AHNAK: variants seen among roughly 807,000 people sequenced by gnomAD.
The protein encoded by AHNAK is neuroblast differentiation-associated protein AHNAK.
In AHNAK, 23 loss-of-function variants were observed where a neutral mutation model predicts 37.8. The observed-to-expected ratio is 0.61, with a 90% CI of 0.44 to 0.86. AHNAK has a LOEUF of 0.86. Ranked by LOEUF, AHNAK falls within the 40% of genes least tolerant of loss-of-function variation. AHNAK has a pLI of 0.00. For synonymous variants in AHNAK, 2,481 were observed against 2,636.3 expected, an observed-to-expected ratio of 0.94 and a Z score of 1.80; for missense variants, 7,411 against 7,319.4, an observed-to-expected ratio of 1.01 and a Z score of -0.46.
chr11:62,498,450 T>TA, intron 4 of AHNAK, among the ~76,000 whole-genome samples: 2 of 151,652 alleles, frequency 1.3e-5, no homozygotes, highest in East Asian at 1.9e-4. Context: ...TTACACTATA[T>TA]GGTGTAATTA....
chr11:62,518,626 C>T lies in AHNAK; in HGVS notation c.15791G>A (p.Gly5264Glu). The T allele has an allele frequency of 1.2e-6, 2 of 1,614,182 alleles. No homozygotes were observed. Among genetic ancestry groups the T allele is most frequent in the African/African-American group, 1.3e-5 (1 of 75,032 alleles). The change falls in exon 5 of 5, where the codon GGA becomes GAA. Residue 5264 changes from glycine to glutamate, a missense_variant. Physicochemically the swap from Gly to Glu is moderately conservative, Grantham distance 98 (BLOSUM62 -2). Coordinates refer to ENST00000378024, the MANE Select transcript of AHNAK (RefSeq NM_001620.3). The stretch of plus-strand genomic sequence containing the variant: ...CTTAACATCTGGTCCTCTCAAGTCT[C>T]CTTCAAGAGAGGGTAGCTGGGCATG... Reference protein sequence around the residue: ...EVHAQLPSLEGDLRGPDVKLE... With the variant: ...EVHAQLPSLEEDLRGPDVKLE...
chr11:62,476,948 G>A (rs2134861210), intron 5 of AHNAK, among the ~76,000 whole-genome samples: 1 of 152,294 alleles, frequency 6.6e-6, no homozygotes, highest in South Asian at 2.1e-4. Context: ...TGCAATGCCT[G>A]CAGCCGGCAT....
intron 4 of AHNAK, among the ~76,000 whole-genome samples, chr11:62,506,753 T>A (rs1212152936): frequency 6.6e-6 from 1 of 152,088 alleles, no homozygotes; most frequent in Non-Finnish European, 1.5e-5. Context: ...CTCCCTTGTT[T>A]ATTATTATAG....
At chr11:62,454,786 G>A (rs1328966073) in intron 5 of AHNAK, among the ~76,000 whole-genome samples, 2 of 152,104 alleles carry the variant, frequency 1.3e-5, no homozygotes, top group Non-Finnish European at 1.5e-5. Context: ...CCCCACACTC[G>A]TCATGGGATA....
At chr11:62,505,667 C>T (rs1319612228) in intron 4 of AHNAK, among the ~76,000 whole-genome samples, 4 of 151,912 alleles carry the variant, frequency 2.6e-5, no homozygotes, top group African/African-American at 9.7e-5. Flanking sequence ...TCAACGCTCC[C>T]TGCCGCTCAT....
chr11:62,492,534 T>C (rs1939521496), intron 4 of AHNAK, among the ~76,000 whole-genome samples: 1 of 152,066 alleles, frequency 6.6e-6, no homozygotes, highest in Non-Finnish European at 1.5e-5. Flanking sequence ...AACGGGTTAC[T>C]CTTTTCATGT....
chr11:62,476,297 G>A (rs1939145060), intron 5 of AHNAK, among the ~76,000 whole-genome samples: 1 of 152,184 alleles, frequency 6.6e-6, no homozygotes, highest in Admixed American at 6.5e-5. Flanking sequence ...GCTGAGGCAG[G>A]AGAATCACTT....
chr11:62,496,843 GAAGAAAGGAAGGAA>G (rs932504656), intron 4 of AHNAK, among the ~76,000 whole-genome samples: 2 of 148,216 alleles, frequency 1.3e-5, no homozygotes, highest in Non-Finnish European at 3.0e-5. Flanking sequence ...AGGAAGGAAG[GAAGAAAGGAAGGAA>G]AAGGAAGGAA....
In AHNAK at chr11:62,516,159, C is replaced by T; in HGVS notation, c.*585G>A. The T allele has an allele frequency of 7.8e-7, 1 of 1,288,944 alleles. No homozygotes were observed. The highest frequency in any genetic ancestry group is 1.5e-5 in the African/African-American group (1 of 65,922). The allele number at this position is 1,288,944 out of a possible 1,614,324, so 79.8% of individuals were successfully genotyped here. ...TCTAATTTCCTCTCACCGTCAGCACCAAACTGGCTGGGACCACCACCCCTG... is the reference window on the plus strand; with the variant it reads ...TCTAATTTCCTCTCACCGTCAGCACTAAACTGGCTGGGACCACCACCCCTG... On this transcript the variant is annotated 3_prime_UTR_variant, in exon 5 of 5. Coordinates refer to ENST00000378024, the MANE Select transcript of AHNAK (RefSeq NM_001620.3).
intron 1 of AHNAK, among the ~76,000 whole-genome samples, chr11:62,540,144 G>A (rs75925132): frequency 6.6e-6 from 1 of 152,190 alleles, no homozygotes; most frequent in African/African-American, 2.4e-5. Flanking sequence ...AATTCTGCAC[G>A]ATTCAGCCAA....
At chr11:62,534,229 A>G (rs1454712778) in intron 4 of AHNAK, among the ~76,000 whole-genome samples, 155 bp from the exon 5 acceptor site, 1 of 152,170 alleles carries the variant, frequency 6.6e-6, no homozygotes, top group Non-Finnish European at 1.5e-5. Flanking sequence ...AGCACAGGGG[A>G]GTGAAGAAAG....
At chr11:62,482,743 C>T (rs903221447) in intron 5 of AHNAK, among the ~76,000 whole-genome samples, 1 of 152,180 alleles carries the variant, frequency 6.6e-6, no homozygotes, top group African/African-American at 2.4e-5. Flanking sequence ...GTAGAGACCA[C>T]ACCTGTCAAA....
At position 62,472,348 on chromosome 11, in the gene AHNAK, T is replaced by G. The variant is rs1939052230; in HGVS notation, c.442+19384A>C. Among the ~76,000 whole-genome samples the G allele has an allele frequency of 2.0e-5, 3 of 152,100 alleles. No homozygotes were observed. In the South Asian group the frequency reaches 6.2e-4, roughly 32 times the overall value. ...TTTATCAGCTCCTTGCCTTCCCCTC[T>G]GACCCATGGCTCACTGACCCTCCCT... On this transcript the variant is annotated intron_variant, in intron 5 of 5. Transcript: ENST00000257247.
At chr11:62,493,428 C>A (rs896541096) in intron 4 of AHNAK, among the ~76,000 whole-genome samples, 2 of 146,394 alleles carry the variant, frequency 1.4e-5, no homozygotes, top group African/African-American at 2.5e-5. Context: ...CGGGTTCAAG[C>A]AATTCTCCTG....
chr11:62,525,459 G>C lies in AHNAK; in HGVS notation c.8958C>G (p.Pro2986=), dbSNP rs777003619. 7.4e-6 allele frequency: 12 copies of C among 1,611,386 alleles called. No homozygotes were observed. The East Asian group carries it at 2.0e-4, about 27-fold the overall frequency. The change falls in exon 5 of 5, where the codon CCC becomes CCG. Residue 2986 remains proline, a synonymous_variant. Coordinates refer to ENST00000378024, the MANE Select transcript of AHNAK (RefSeq NM_001620.3). ...GGCCCTTGAGGTCACCTTCCACTTT[G>C]GGCAGAGAAATATCCACATCGCCCT... ...KVKGDVDISL[P]KVEGDLKGPE... is the part of the protein sequence containing the mutation.
At chr11:62,493,629 C>T (rs933421731) in intron 4 of AHNAK, among the ~76,000 whole-genome samples, 2 of 149,868 alleles carry the variant, frequency 1.3e-5, no homozygotes, top group Non-Finnish European at 2.9e-5. Flanking sequence ...CCACCGTGCC[C>T]AGCCTTTTTT....
At position 62,518,856 on chromosome 11, in the gene AHNAK, G is replaced by T; in HGVS notation, c.15561C>A (p.Phe5187Leu). Residue 5187 changes from phenylalanine (F) to leucine (L), a missense_variant, in exon 5 of 5, where the codon TTC becomes TTA. By Grantham distance (22) the Phe-to-Leu change is conservative. Coordinates refer to ENST00000378024, the MANE Select transcript of AHNAK (RefSeq NM_001620.3). Reference protein sequence around the residue: ...GLDAKVKTPSFGISAPQVSIP... With the variant: ...GLDAKVKTPSLGISAPQVSIP... Reference sequence around the variant, plus strand: ...TGGAGACTTGAGGGGCAGAAATGCCGAAGGACGGTGTTTTGACTTTAGCAT... The same window carrying T: ...TGGAGACTTGAGGGGCAGAAATGCCTAAGGACGGTGTTTTGACTTTAGCAT... The T allele has an allele frequency of 6.2e-7, 1 of 1,614,210 alleles. No homozygotes were observed. Among genetic ancestry groups the T allele is most frequent in the Non-Finnish European group, 8.5e-7 (1 of 1,180,022 alleles).
In AHNAK at chr11:62,518,068, G is replaced by A. The variant is rs776966075; in HGVS notation, c.16349C>T (p.Pro5450Leu). 1.7e-5 allele frequency: 27 copies of A among 1,614,148 alleles called. No homozygotes were observed. The East Asian group carries it at 1.8e-4, about 11-fold the overall frequency. Residue 5450 changes from proline (P) to leucine (L), a missense_variant, in exon 5 of 5, where the codon CCG (proline) becomes CTG (leucine). Pro to Leu is a moderately conservative substitution (Grantham distance 98). Coordinates refer to ENST00000378024, the MANE Select transcript of AHNAK (RefSeq NM_001620.3). ...TCCTTCCAAGTTAAAGTCCACATTC[G>A]GTGCTGAAATCCGAGGCCCTTTCAG... ...VNLKGPRISA[P>L]NVDFNLEGPK... is the part of the protein sequence containing the mutation.
At position 62,518,555 on chromosome 11, in the gene AHNAK, G is replaced by T; in HGVS notation, c.15862C>A (p.Pro5288Thr). ...TTTGGCATAGAGAGGTTCACTGAAG[G>T]CAAGTCTACTCCTGGCCCCTTTAGA... The part of the protein sequence containing the change: ...VSLKGPGVDL[P>T]SVNLSMPKVS... The change falls in exon 5 of 5, where the codon CCT becomes ACT. Residue 5288 changes from proline to threonine, a missense_variant. Transcript: ENST00000378024. The T allele has an allele frequency of 3.7e-6, 6 of 1,614,040 alleles. No individual in the cohort carries two copies. Among genetic ancestry groups the T allele is most frequent in the Non-Finnish European group, 5.1e-6 (6 of 1,180,004 alleles).
Sources: gnomAD v4.1 joint callset for allele counts (sites outside exome capture counted in the v4.1 genomes callset) on GRCh38, gnomAD v4.1.1 for gene constraint, MANE v1.5 for transcripts, NCBI Gene and HGNC (gene_info 2026-07-23, HGNC 2026-07-21) for gene names.